Variants in DST observed in about 807,000 individuals in gnomAD.
DST encodes the protein dystonin.
DST carries 253 observed loss-of-function variants against 875.2 expected under a neutral mutation model. The ratio of observed to expected loss-of-function variants is 0.29; its 90% CI spans 0.26 to 0.32. The LOEUF (loss-of-function observed/expected upper bound fraction) is 0.32, where lower values mean the gene tolerates loss of function less well. Ranked by LOEUF, DST falls within the 10% of genes least tolerant of loss-of-function variation. The probability of loss-of-function intolerance (pLI) is 1.00; values close to 1 mark genes in which losing one functional copy is unlikely to be tolerated. For synonymous variants in DST, 3,124 were observed against 3,197.1 expected (o/e 0.98, Z 0.77); for missense variants, 8,287 against 9,111.6 (o/e 0.91, Z 3.68).
In DST at chr6:56,611,395, AGTTT is replaced by A. The variant is rs1396294104; in HGVS notation, c.5147+109_5147+112del. 7 of 695,872 alleles carry A rather than the reference AGTTT, an allele frequency of 1.0e-5. No homozygotes were observed. In the East Asian group the frequency reaches 1.1e-4, roughly 11 times the overall value. The allele number at this position is 695,872 out of a possible 1,614,324, so 43.1% of individuals were successfully genotyped here. A position where few individuals can be genotyped will look rare whatever the true frequency, so the allele number is the denominator to read the frequency against. On this transcript the variant is annotated intron_variant, in intron 38 of 103. Transcript: ENST00000680361. ...TTACATTACTATATTAATTGTGATT[AGTTT>A]GAGTCCCATATTTAACATTGCAATT...
Position 56,634,964 on chromosome 6 carries a change from A to C in DST, c.3187-11T>G, listed in dbSNP as rs776200597. ...TTCTTCTTTCTCTTCCTAAGTAATAAATACAGTGAATTTTAAGAAGTAAAA... is the reference window on the plus strand; with the variant it reads ...TTCTTCTTTCTCTTCCTAAGTAATACATACAGTGAATTTTAAGAAGTAAAA... On this transcript the variant is annotated splice_polypyrimidine_tract_variant and intron_variant, in intron 24 of 103. Coordinates refer to ENST00000680361, the MANE Select transcript of DST (RefSeq NM_001374736.1). 3 of 1,604,102 alleles carry C rather than the reference A, an allele frequency of 1.9e-6. No individual in the cohort carries two copies. The highest frequency in any genetic ancestry group is 1.3e-5 in the African/African-American group (1 of 74,744).
At chr6:56,576,024 A>G (rs1453490917) in intron 50 of DST, among the ~76,000 whole-genome samples, 1 of 152,192 alleles carries the variant, frequency 6.6e-6, no homozygotes, top group Admixed American at 6.5e-5. Flanking sequence ...TCACCCTGTC[A>G]ACCTCTGAGG....
At position 56,608,593 on chromosome 6, in the gene DST, C is replaced by T; in HGVS notation, c.6035G>A (p.Arg2012Lys). 1 of 1,613,438 alleles carries T rather than the reference C, an allele frequency of 6.2e-7. No individual in the cohort carries two copies. The stretch of plus-strand genomic sequence containing the variant: ...AGTGTCCCTGTCAATCACCCCTTCT[C>T]TGACAGCTTCTTCAACAGTCATTCT... ...GQRMTVEEAV[R>K]EGVIDRDTAS... The change falls in exon 40 of 104, where the codon AGA becomes AAA. Residue 2012 changes from arginine to lysine, a missense_variant. By Grantham distance (26) the Arg-to-Lys change is conservative (BLOSUM62 2). Transcript: ENST00000680361.
chr6:56,694,675 T>C (rs1008635927), intron 9 of DST, among the ~76,000 whole-genome samples: 2 of 152,136 alleles, frequency 1.3e-5, no homozygotes, highest in Non-Finnish European at 2.9e-5. Flanking sequence ...TCTCTGCTGA[T>C]GAAGTTTAGA....
chr6:56,537,052 G>C, intron 61 of DST, 112 bp from the exon 62 acceptor site: 2 of 916,310 alleles, frequency 2.2e-6, no homozygotes, highest in Non-Finnish European at 3.2e-6. Flanking sequence ...TATTACAGAG[G>C]TAAAGATAAT....
At chr6:56,774,429 C>T (rs563867479) in intron 4 of DST, among the ~76,000 whole-genome samples, 2 of 152,294 alleles carry the variant, frequency 1.3e-5, no homozygotes, top group South Asian at 4.1e-4. Context: ...TAAGACTTCC[C>T]TGACAGCCCA....
rs559628858 is a variant in DST at position 56,770,540 on chromosome 6, G to A, written c.626-35251C>T. The stretch of plus-strand genomic sequence containing the variant: ...TCCATGCATCCACATAGAGTTGGGG[G>A]CTCAGGTTCACTACTGGATAAACTA... On this transcript the variant is annotated intron_variant, in intron 4 of 103. Transcript: ENST00000680361. Among the ~76,000 whole-genome samples the A allele has an allele frequency of 2.1e-4, 32 of 152,254 alleles. No individual in the cohort carries two copies. In the East Asian group the frequency reaches 6.2e-3, roughly 29 times the overall value.
chr6:56,509,850 G>A lies in DST; in HGVS notation c.18804C>T (p.Ile6268=). 1 of 1,612,400 alleles carries A rather than the reference G, an allele frequency of 6.2e-7. No homozygotes were observed. The highest frequency in any genetic ancestry group is 8.5e-7 in the Non-Finnish European group (1 of 1,179,120). Reference sequence around the variant, plus strand: ...CCACGATGCGTTCCAGGCTCTCAAGGATCTGATCTATCTTGTCATGGAACT... The same window carrying A: ...CCACGATGCGTTCCAGGCTCTCAAGAATCTGATCTATCTTGTCATGGAACT... The part of the protein sequence containing the change: ...STQFHDKIDQ[I]LESLERIVER... Residue 6268 remains isoleucine (I), a synonymous_variant, in exon 74 of 104, where the codon ATC becomes ATT. Transcript: ENST00000680361.
intron 49 of DST, among the ~76,000 whole-genome samples, chr6:56,587,899 C>T (rs925183979): frequency 1.3e-4 from 19 of 151,916 alleles, no homozygotes; most frequent in Admixed American, 1.0e-3. Context: ...CCTAAAAGAG[C>T]GCCTGAAGGA....
In DST at chr6:56,651,186, G is replaced by A. The variant is rs757373509; in HGVS notation, c.1273C>T (p.His425Tyr). 2 of 1,612,418 alleles carry A rather than the reference G, an allele frequency of 1.2e-6. No individual in the cohort carries two copies. Among genetic ancestry groups the A allele is most frequent in the Non-Finnish European group, 1.7e-6 (2 of 1,179,270 alleles). Reference protein sequence around the residue: ...AVQSNLANLEHAFYVAEKIGV... With the variant: ...AVQSNLANLEYAFYVAEKIGV... ...ATTTTTTCTGCTACGTAAAAAGCAT[G>A]CTCTAAATTTGCAAGGTTGCTTTGA... Residue 425 changes from histidine to tyrosine, a missense_variant, in exon 11 of 104, where the codon CAT (histidine) becomes TAT (tyrosine). Physicochemically the swap from His to Tyr is moderately conservative, Grantham distance 83. This residue lies in a region of DST where 1,160 missense variants were observed against 1,424.3 expected (regional missense o/e 0.81). Coordinates refer to ENST00000680361, the MANE Select transcript of DST (RefSeq NM_001374736.1).
At chr6:56,680,110 C>A (rs1414116163) in intron 9 of DST, among the ~76,000 whole-genome samples, 1 of 152,096 alleles carries the variant, frequency 6.6e-6, no homozygotes, top group South Asian at 2.1e-4. Flanking sequence ...TACTTAACAC[C>A]ATCTCTCTCC....
intron 4 of DST, among the ~76,000 whole-genome samples, chr6:56,826,640 T>C (rs989506416): frequency 2.6e-5 from 4 of 152,200 alleles, no homozygotes; most frequent in Admixed American, 2.0e-4. Flanking sequence ...ATGGCAGAGA[T>C]ATTAGAAGTC....
Position 56,604,050 on chromosome 6 carries a change from T to A in DST, c.10578A>T (p.Pro3526=), listed in dbSNP as rs80153311. The A allele has an allele frequency of 2.3e-5, 36 of 1,587,146 alleles. No individual in the cohort carries two copies. In the East Asian group the frequency reaches 8.1e-4, roughly 36 times the overall value. ...CSTSEMMEEK[P]HILGDIKSKE... ...TGCTTTTAATATCACCAAGAATATGTGGCTTTTCTTCCATCATCTCAGATG... is the reference window on the plus strand; with the variant it reads ...TGCTTTTAATATCACCAAGAATATGAGGCTTTTCTTCCATCATCTCAGATG... The change falls in exon 40 of 104, where the codon CCA becomes CCT. Residue 3526 remains proline, a synonymous_variant. Coordinates refer to ENST00000680361, the MANE Select transcript of DST (RefSeq NM_001374736.1).
chr6:56,944,488 G>A (rs1273692745), intron 2 of DST, among the ~76,000 whole-genome samples: 5 of 151,840 alleles, frequency 3.3e-5, no homozygotes, highest in African/African-American at 1.2e-4. Context: ...TTTTGTTTTT[G>A]TTGGAGGTGT....
chr6:56,708,176 C>G (rs757545834), intron 5 of DST, among the ~76,000 whole-genome samples: 2 of 152,062 alleles, frequency 1.3e-5, no homozygotes, highest in African/African-American at 2.4e-5. Context: ...GAATTTGTAC[C>G]AACAGCCTAA....
intron 49 of DST, among the ~76,000 whole-genome samples, 176 bp downstream of exon 49, chr6:56,592,006 C>T (rs1208115963): frequency 1.9e-4 from 27 of 139,034 alleles, no homozygotes; most frequent in African/African-American, 6.5e-4. Flanking sequence ...AAAAAAAATT[C>T]GGAAAAAAAA....
At chr6:56,857,012 GTCT>G (rs1235069553) in intron 3 of DST, among the ~76,000 whole-genome samples, 1 of 150,632 alleles carries the variant, frequency 6.6e-6, no homozygotes, top group Non-Finnish European at 1.5e-5. Context: ...AAATAGCAAG[GTCT>G]TTTTTTTTTT....
intron 19 of DST, 44 bp downstream of exon 19, chr6:56,639,885 G>A (rs1563383224): frequency 6.2e-7 from 1 of 1,603,406 alleles, no homozygotes; most frequent in Non-Finnish European, 8.5e-7. Flanking sequence ...AGCAAAACAA[G>A]AGTAAACTAA....
intron 2 of DST, among the ~76,000 whole-genome samples, chr6:56,921,655 T>C (rs1804276014): frequency 6.6e-6 from 1 of 152,190 alleles, no homozygotes; most frequent in Non-Finnish European, 1.5e-5. Context: ...GAAATCTGTT[T>C]TACATAATAT....
Sources: gnomAD v4.1 joint callset for allele counts (sites outside exome capture counted in the v4.1 genomes callset) on GRCh38, gnomAD v4.1.1 for gene constraint, gnomAD v4.1.1 regional missense constraint, MANE v1.5 for transcripts, NCBI Gene and HGNC (gene_info 2026-07-23, HGNC 2026-07-21) for gene names.